SLC28A3: variants seen among roughly 807,000 people sequenced by gnomAD.
SLC28A3 encodes concentrative Na(+)-nucleoside cotransporter 3.
SLC28A3 carries 68 observed loss-of-function variants against 84.2 expected under a neutral mutation model. That is an observed-to-expected ratio of 0.81 (90% confidence interval 0.66 to 0.99). The LOEUF (loss-of-function observed/expected upper bound fraction) is 0.99. SLC28A3 is among the 50% of genes least tolerant of loss of function. The pLI is 0.00. For synonymous variants in SLC28A3, 267 were observed against 303.6 expected (o/e 0.88, Z 1.25); for missense variants, 712 against 841.5 (o/e 0.85, Z 1.90).
intron 10 of SLC28A3, among the ~76,000 whole-genome samples, chr9:84,291,572 G>A (rs1825224103): frequency 6.6e-6 from 1 of 152,190 alleles, no homozygotes; most frequent in Admixed American, 6.5e-5. Flanking sequence ...CCGACCTCAG[G>A]TGATCTGCCC....
the SLC28A3 span, among the ~76,000 whole-genome samples, chr9:84,352,233 G>A: frequency 6.6e-6 from 1 of 152,018 alleles, no homozygotes; most frequent in Non-Finnish European, 1.5e-5. Flanking sequence ...GCCTGGGCTG[G>A]AGTGCAATGA....
At chr9:84,354,862 GA>G in the SLC28A3 span, among the ~76,000 whole-genome samples, 11 of 123,442 alleles carry the variant, frequency 8.9e-5, no homozygotes, top group Admixed American at 2.4e-4. Context: ...GAGAAAAAAA[GA>G]AAAAAAAAAG....
rs1213524373 is a variant in SLC28A3, at chr9:84,279,319, G to T, written c.1895C>A (p.Thr632Asn). The T allele has an allele frequency of 1.9e-6, 3 of 1,613,398 alleles. No homozygotes were observed. In the African/African-American group the frequency reaches 4.0e-5, roughly 22 times the overall value. The change falls in exon 17 of 18, where the codon ACT (threonine) becomes AAT (asparagine). Residue 632 changes from threonine to asparagine, a missense_variant. Thr to Asn is a moderately conservative substitution (Grantham distance 65, BLOSUM62 0). Coordinates refer to ENST00000376238, the MANE Select transcript of SLC28A3 (RefSeq NM_001199633.2). ...CACCTTGGTTGTGTTTCCAGGGAAA[G>T]TGGAGTTGAAGGCATTCTCTAAAAC... ...HHVLENAFNS[T>N]FPGNTTKVIA...
At chr9:84,280,726 C>G (rs1355681032) in intron 15 of SLC28A3, 75 bp downstream of exon 15, 9 of 1,460,372 alleles carry the variant, frequency 6.2e-6, no homozygotes, top group Non-Finnish European at 7.7e-6. Context: ...TCTGACATAA[C>G]AGTACAGAGC....
At chr9:84,344,186 T>G (rs1314236531), upstream of SLC28A3, among the ~76,000 whole-genome samples, 1 of 61,370 alleles carries the variant, frequency 1.6e-5, no homozygotes, top group Non-Finnish European at 2.7e-5. Flanking sequence ...ATCATATGGG[T>G]TTTTTTTTTT....
intron 1 of SLC28A3, among the ~76,000 whole-genome samples, chr9:84,324,547 G>A (rs1826486730): frequency 6.6e-6 from 1 of 151,946 alleles, no homozygotes; most frequent in Non-Finnish European, 1.5e-5. Flanking sequence ...GGGAGGCTGA[G>A]GTGGGAGGAT....
intron 1 of SLC28A3, among the ~76,000 whole-genome samples, chr9:84,332,582 A>G (rs1000521309): frequency 5.9e-5 from 9 of 152,276 alleles, no homozygotes; most frequent in Non-Finnish European, 1.2e-4. Context: ...AAACTGAGAG[A>G]ATGAGAAGTG....
intron 1 of SLC28A3, among the ~76,000 whole-genome samples, chr9:84,333,462 T>A (rs1245200053): frequency 6.6e-6 from 1 of 152,190 alleles, no homozygotes; most frequent in East Asian, 1.9e-4. Context: ...TTTCCTTTCA[T>A]AGGCTTGTAA....
At chr9:84,343,421 T>G (rs1391301744), upstream of SLC28A3, among the ~76,000 whole-genome samples, 3 of 152,136 alleles carry the variant, frequency 2.0e-5, no homozygotes, top group African/African-American at 7.2e-5. Flanking sequence ...GGAGTTATTT[T>G]TCTTTTCTTG....
chr9:84,289,094 C>T lies in SLC28A3; in HGVS notation c.1150-916G>A, dbSNP rs139128503. ...CTCACATGGTTTCTGGATTCTCTTC[C>T]ACATATTTTCAGAATTCCAGGATCA... On this transcript the variant is annotated intron_variant, in intron 11 of 17. Transcript: ENST00000376238. 2.8e-3 allele frequency among the ~76,000 whole-genome samples: 433 copies of T among 152,172 alleles called. 3 individuals are homozygous for T. Among genetic ancestry groups the T allele is most frequent in the African/African-American group, 1.0e-2 (413 of 41,492 alleles).
chr9:84,278,684 T>C (rs1427566169), intron 17 of SLC28A3, among the ~76,000 whole-genome samples: 1 of 152,094 alleles, frequency 6.6e-6, no homozygotes, highest in African/African-American at 2.4e-5. Flanking sequence ...GGGTCACTGG[T>C]AGTTTCTTGT....
intron 1 of SLC28A3, among the ~76,000 whole-genome samples, chr9:84,315,057 C>T (rs1021317974): frequency 6.6e-6 from 1 of 151,854 alleles, no homozygotes; most frequent in Non-Finnish European, 1.5e-5. Context: ...CCAGCCTGGG[C>T]GACAGAGCGA....
upstream of SLC28A3, among the ~76,000 whole-genome samples, chr9:84,343,330 T>C (rs1418428054): frequency 6.6e-6 from 1 of 152,226 alleles, no homozygotes; most frequent in Non-Finnish European, 1.5e-5. Context: ...TGAGTTATTT[T>C]TGTTTTCTCT....
chr9:84,287,986 A>T, intron 12 of SLC28A3, 62 bp downstream of exon 12: 1 of 1,603,470 alleles, frequency 6.2e-7, no homozygotes. Flanking sequence ...CTGTACATTG[A>T]CTCCTGGAGT....
chr9:84,355,303 T>C, the SLC28A3 span, among the ~76,000 whole-genome samples: 1 of 152,034 alleles, frequency 6.6e-6, no homozygotes, highest in African/African-American at 2.4e-5. Context: ...CCAGGCACAG[T>C]GGTGCATGCC....
At chr9:84,347,371 C>A in the SLC28A3 span, among the ~76,000 whole-genome samples, 1 of 152,036 alleles carries the variant, frequency 6.6e-6, no homozygotes, top group Non-Finnish European at 1.5e-5. Context: ...ACATGAAGCT[C>A]AGGGAGATAA....
At chr9:84,342,316 G>A (rs7867985), upstream of SLC28A3, among the ~76,000 whole-genome samples, 1 of 151,498 alleles carries the variant, frequency 6.6e-6, no homozygotes, top group African/African-American at 2.4e-5. Context: ...AGGAAAAAAC[G>A]GAGACAAACT....
intron 1 of SLC28A3, among the ~76,000 whole-genome samples, chr9:84,324,171 G>A (rs978492799): frequency 5.3e-5 from 8 of 152,066 alleles, no homozygotes; most frequent in Non-Finnish European, 1.2e-4. Context: ...AAATAGACCG[G>A]TGCTCCCAAC....
chr9:84,311,394 A>G (rs769954111), intron 2 of SLC28A3, among the ~76,000 whole-genome samples: 1 of 151,814 alleles, frequency 6.6e-6, no homozygotes, highest in Non-Finnish European at 1.5e-5. Context: ...ATGAACCCAG[A>G]GAAGTACATT....
Sources: gnomAD v4.1 joint callset for allele counts (sites outside exome capture counted in the v4.1 genomes callset) on GRCh38, gnomAD v4.1.1 for gene constraint, MANE v1.5 for transcripts, NCBI Gene and HGNC (gene_info 2026-07-23, HGNC 2026-07-21) for gene names.